The following TACR3 variants were observed in gnomAD, a reference collection of about 807,000 sequenced individuals.
TACR3 encodes the protein tachykinin receptor 3.
In TACR3, 34 loss-of-function variants were observed where a neutral mutation model predicts 35.0. That is an observed-to-expected ratio of 0.97 (90% CI 0.74 to 1.30). The LOEUF is 1.30. Ranked by LOEUF, TACR3 falls within the 50% of genes most tolerant of loss-of-function variation. TACR3 has a pLI of 0.00. For missense variants in TACR3, 558 were observed against 591.7 expected (o/e 0.94, Z 0.59); for synonymous variants, 233 against 221.1 (o/e 1.05, Z -0.48).
At chr4:103,705,963 A>C (rs1320216884) in intron 1 of TACR3, among the ~76,000 whole-genome samples, 1 of 152,162 alleles carries the variant, frequency 6.6e-6, no homozygotes, top group Non-Finnish European at 1.5e-5. Flanking sequence ...TGTTTTGAAA[A>C]CATAATTCTG....
chr4:103,698,869 T>C (rs968815234), intron 1 of TACR3, among the ~76,000 whole-genome samples: 4 of 152,166 alleles, frequency 2.6e-5, no homozygotes, highest in South Asian at 2.1e-4. Flanking sequence ...GATTTGATCA[T>C]TGCACATTGT....
chr4:103,695,047 G>T (rs1046698884), intron 1 of TACR3, among the ~76,000 whole-genome samples: 22 of 151,892 alleles, frequency 1.4e-4, no homozygotes, highest in African/African-American at 5.3e-4. Flanking sequence ...ATATTTCTTG[G>T]TTAATCTCAG....
chr4:103,711,124 G>A (rs1308196245), intron 1 of TACR3, among the ~76,000 whole-genome samples: 1 of 152,094 alleles, frequency 6.6e-6, no homozygotes, highest in African/African-American at 2.4e-5. Context: ...AAGAGGGAAT[G>A]CTCTCTAACT....
chr4:103,694,875 G>T (rs964333915), intron 1 of TACR3, among the ~76,000 whole-genome samples: 1 of 152,106 alleles, frequency 6.6e-6, no homozygotes, highest in African/African-American at 2.4e-5. Flanking sequence ...CATAATCCTA[G>T]ATTTGAACTT....
chr4:103,631,171 C>T (rs1336387298), intron 3 of TACR3, among the ~76,000 whole-genome samples: 1 of 151,994 alleles, frequency 6.6e-6, no homozygotes, highest in Non-Finnish European at 1.5e-5. Flanking sequence ...ACATGGGGGC[C>T]TGTCGGGGTG....
chr4:103,625,277 A>G lies in TACR3; in HGVS notation c.888+30917T>C, dbSNP rs79996476. Among the ~76,000 whole-genome samples the G allele has an allele frequency of 6.5e-3, 997 of 152,320 alleles. 37 individuals carry two copies. Among genetic ancestry groups the G allele is most frequent in the East Asian group, 0.049 (254 of 5,184 alleles). ...GAATGGTATAAAACGTGTAAGGACT[A>G]TGAGACATTTACAGAGTGCTCTCTT... On this transcript the variant is annotated intron_variant, in intron 3 of 4. Coordinates refer to ENST00000304883, the MANE Select transcript of TACR3 (RefSeq NM_001059.3).
chr4:103,640,428 G>GTTT (rs35327088), intron 3 of TACR3, among the ~76,000 whole-genome samples: 3 of 151,594 alleles, frequency 2.0e-5, no homozygotes, highest in African/African-American at 7.3e-5. Context: ...GATGTAGAGA[G>GTTT]TTTTTTTTCA....
At chr4:103,607,949 G>A (rs1000620781) in intron 3 of TACR3, among the ~76,000 whole-genome samples, 1 of 152,088 alleles carries the variant, frequency 6.6e-6, no homozygotes, top group Non-Finnish European at 1.5e-5. Flanking sequence ...GATAAGAAAT[G>A]ATCGTTTCCA....
chr4:103,708,045 T>C (rs1241581402), intron 1 of TACR3, among the ~76,000 whole-genome samples: 1 of 152,210 alleles, frequency 6.6e-6, no homozygotes, highest in Non-Finnish European at 1.5e-5. Flanking sequence ...CAAGGAGGCC[T>C]GCCTGCCTCT....
intron 3 of TACR3, among the ~76,000 whole-genome samples, chr4:103,604,418 A>G (rs1230688474): frequency 6.6e-6 from 1 of 152,226 alleles, no homozygotes; most frequent in East Asian, 1.9e-4. Flanking sequence ...TAAACATAAG[A>G]CCGAAAACCA....
intron 3 of TACR3, among the ~76,000 whole-genome samples, chr4:103,607,558 A>T (rs542434745): frequency 1.3e-5 from 2 of 152,092 alleles, no homozygotes; most frequent in Non-Finnish European, 2.9e-5. Flanking sequence ...ATGTTTGGAA[A>T]GAATAGCTAT....
At chr4:103,594,341 C>T (rs764880773) in intron 3 of TACR3, among the ~76,000 whole-genome samples, 22 of 152,116 alleles carry the variant, frequency 1.4e-4, no homozygotes. Context: ...CCACGCCTGG[C>T]TAATTTTTGT....
At chr4:103,616,496 C>A (rs537972104) in intron 3 of TACR3, among the ~76,000 whole-genome samples, 1 of 151,938 alleles carries the variant, frequency 6.6e-6, no homozygotes, top group East Asian at 1.9e-4. Context: ...CATTTGAGTC[C>A]CACCAAACTA....
At chr4:103,613,164 T>A (rs182362472) in intron 3 of TACR3, among the ~76,000 whole-genome samples, 139 of 152,294 alleles carry the variant, frequency 9.1e-4, no homozygotes, top group South Asian at 2.3e-3. Flanking sequence ...AGTCTTTGTA[T>A]AGGCAAAGTG....
chr4:103,614,288 T>C (rs1033756610), intron 3 of TACR3, among the ~76,000 whole-genome samples: 1 of 152,222 alleles, frequency 6.6e-6, no homozygotes, highest in Non-Finnish European at 1.5e-5. Context: ...ATAGGAAAGC[T>C]ATTCAAGGAA....
At chr4:103,719,026 T>C (rs1723149659) in intron 1 of TACR3, 102 bp downstream of exon 1, 5 of 1,505,582 alleles carry the variant, frequency 3.3e-6, no homozygotes, top group Non-Finnish European at 3.6e-6. Flanking sequence ...TCTTTACTTT[T>C]ATAGACCCCG....
At chr4:103,715,726 C>G (rs991136046) in intron 1 of TACR3, among the ~76,000 whole-genome samples, 2 of 152,080 alleles carry the variant, frequency 1.3e-5, no homozygotes, top group African/African-American at 4.8e-5. Flanking sequence ...AATCTCAAAG[C>G]ATGTGCTTAG....
chr4:103,712,374 A>G (rs544605724), intron 1 of TACR3, among the ~76,000 whole-genome samples: 2 of 152,348 alleles, frequency 1.3e-5, no homozygotes, highest in Admixed American at 1.3e-4. Flanking sequence ...GAAATGGGGA[A>G]AGGATTCCCT....
At chr4:103,702,081 A>G (rs1336869057) in intron 1 of TACR3, among the ~76,000 whole-genome samples, 4 of 152,214 alleles carry the variant, frequency 2.6e-5, no homozygotes, top group Non-Finnish European at 5.9e-5. Flanking sequence ...GCTTCAGCAC[A>G]GCAAAAGAAA....
Sources: allele counts gnomAD v4.1 joint callset (sites outside exome capture counted in the v4.1 genomes callset), GRCh38; gene constraint gnomAD v4.1.1; transcripts MANE v1.5; gene names NCBI Gene and HGNC (gene_info 2026-07-23, HGNC 2026-07-21).